The following RREB1 variants were observed in gnomAD, a reference collection of about 807,000 sequenced individuals.
RREB1 encodes the protein ras-responsive element-binding protein 1.
In RREB1, 27 loss-of-function variants were observed where a neutral mutation model predicts 117.8. The ratio of observed to expected loss-of-function variants is 0.23; its 90% CI spans 0.17 to 0.32. RREB1 has a LOEUF of 0.32. Among genes scored for constraint, RREB1 ranks in the 10% least tolerant of loss-of-function variants. The probability of loss-of-function intolerance (pLI) is 1.00; values close to 1 mark genes in which losing one functional copy is unlikely to be tolerated. For synonymous variants in RREB1, 1,298 were observed against 1,026.7 expected (o/e 1.26, Z -5.05); for missense variants, 2,577 against 2,378.2 (o/e 1.08, Z -1.74).
intron 1 of RREB1, among the ~76,000 whole-genome samples, chr6:7,176,014 C>T (rs1764481568): frequency 6.6e-6 from 1 of 152,160 alleles, no homozygotes; most frequent in Non-Finnish European, 1.5e-5. Context: ...GCCTCCTGGG[C>T]TTAAGCCATC....
chr6:7,117,701 G>A (rs1409230130), intron 1 of RREB1, among the ~76,000 whole-genome samples: 9 of 151,730 alleles, frequency 5.9e-5, no homozygotes, highest in South Asian at 2.1e-4. Flanking sequence ...GAGCCACCGC[G>A]CCCCACCAGA....
intron 1 of RREB1, among the ~76,000 whole-genome samples, chr6:7,168,383 T>C (rs1167131663): frequency 9.9e-5 from 15 of 152,136 alleles, no homozygotes; most frequent in Admixed American, 9.2e-4. Context: ...TTATGCAAGA[T>C]AGATTGTCCC....
intron 6 of RREB1, among the ~76,000 whole-genome samples, chr6:7,198,056 A>G (rs183727447): frequency 1.3e-5 from 2 of 152,308 alleles, no homozygotes; most frequent in South Asian, 2.1e-4. Context: ...AGCAGGGGAC[A>G]GTCACTTCTT....
chr6:7,134,571 G>T (rs1762275711), intron 1 of RREB1, among the ~76,000 whole-genome samples: 1 of 152,078 alleles, frequency 6.6e-6, no homozygotes, highest in Non-Finnish European at 1.5e-5. Context: ...TTTAGATTCT[G>T]TTGAGAAGCT....
intron 6 of RREB1, among the ~76,000 whole-genome samples, chr6:7,199,495 C>G (rs1765829211): frequency 2.6e-5 from 4 of 152,138 alleles, no homozygotes; most frequent in Admixed American, 1.3e-4. Flanking sequence ...AACCCAAGAA[C>G]CTGGTAACAG....
chr6:7,246,552 C>G lies in RREB1; in HGVS notation c.4102C>G (p.Gln1368Glu), dbSNP rs1370658997. The change falls in exon 12 of 13, where the codon CAG (glutamine) becomes GAG (glutamate). Residue 1368 changes from glutamine (Q) to glutamate (E), a missense_variant. Coordinates refer to ENST00000379938, the MANE Select transcript of RREB1 (RefSeq NM_001003699.4). ...GGTCGCAGGGGATGCGCCTGTGGAG[C>G]AGGCCACGGCGGAAACGGCCTCGCC... Reference protein sequence around the residue: ...RQVAGDAPVEQATAETASPVH... With the variant: ...RQVAGDAPVEEATAETASPVH... The G allele has an allele frequency of 6.5e-7, 1 of 1,548,268 alleles. No homozygotes were observed. The highest frequency in any genetic ancestry group is 8.7e-7 in the Non-Finnish European group (1 of 1,146,642).
intron 8 of RREB1, chr6:7,213,276 T>A (rs1581546519): frequency 6.6e-6 from 1 of 152,378 alleles, no homozygotes; most frequent in East Asian, 1.9e-4. Context: ...GTGATTCTCC[T>A]GCCTCAGCCT....
At chr6:7,150,005 T>TA (rs1763044532) in intron 1 of RREB1, among the ~76,000 whole-genome samples, 1 of 151,700 alleles carries the variant, frequency 6.6e-6, no homozygotes, top group African/African-American at 2.4e-5. Flanking sequence ...GTTTTTTTTT[T>TA]TTTTTATTCT....
intron 1 of RREB1, among the ~76,000 whole-genome samples, chr6:7,143,690 C>A (rs1463622266): frequency 1.3e-5 from 2 of 152,120 alleles, no homozygotes; most frequent in Non-Finnish European, 2.9e-5. Flanking sequence ...AAGTCGGCTG[C>A]TCATCATTCG....
intron 1 of RREB1, among the ~76,000 whole-genome samples, chr6:7,129,635 C>T (rs940207097): frequency 7.2e-5 from 11 of 152,238 alleles, no homozygotes; most frequent in African/African-American, 2.2e-4. Flanking sequence ...TATTTCTTTA[C>T]AGCCATAGAC....
chr6:7,181,842 G>C (rs945228600), intron 3 of RREB1, 28 bp from the exon 4 acceptor site: 3 of 1,528,016 alleles, frequency 2.0e-6, no homozygotes, highest in Non-Finnish European at 2.7e-6. Context: ...ACTTCCCCAT[G>C]ATCACATCAG....
At chr6:7,184,085 A>G (rs914539875) in intron 4 of RREB1, 1 of 152,056 alleles carries the variant, frequency 6.6e-6, no homozygotes, top group Non-Finnish European at 1.5e-5. Flanking sequence ...GCGTGGTGGC[A>G]TGTCTCTAAT....
rs1230075545 is a variant in RREB1 at position 7,245,050 on chromosome 6, CAAT to C, written c.3974-1373_3974-1371del. Among the ~76,000 whole-genome samples, 7 of 152,214 alleles carry C rather than the reference CAAT, an allele frequency of 4.6e-5. No individual in the cohort carries two copies. In the South Asian group the frequency reaches 6.2e-4, roughly 14 times the overall value. The stretch of plus-strand genomic sequence containing the variant: ...GGCATCTCGTACTTGTGCCATAAAA[CAAT>C]GACTTTCATCCACCCAATTATCAGA... On this transcript the variant is annotated intron_variant, in intron 11 of 12. Transcript: ENST00000379938.
Position 7,229,785 on chromosome 6 carries a change from G to A in RREB1, c.1686G>A (p.Leu562=). 1 of 1,608,120 alleles carries A rather than the reference G, an allele frequency of 6.2e-7. No individual in the cohort carries two copies. Among genetic ancestry groups the A allele is most frequent in the Non-Finnish European group, 8.5e-7 (1 of 1,176,520 alleles). Residue 562 remains leucine, a synonymous_variant, in exon 10 of 13, where the codon CTG becomes CTA. Transcript: ENST00000379938. This position sits in a 1 kb window ranked among gnomAD's most constrained non-coding sequence, Gnocchi z 4.5. ...GSVEAASNAH[L]LQSKSGTQPH... is the part of the protein sequence containing the mutation. ...TGGAGGCGGCCTCCAACGCCCACCTGCTGCAGTCCAAGTCCGGGACCCAGC... is the reference window on the plus strand; with the variant it reads ...TGGAGGCGGCCTCCAACGCCCACCTACTGCAGTCCAAGTCCGGGACCCAGC...
upstream of RREB1, chr6:7,107,923 G>C (rs1760907238): frequency 6.5e-6 from 1 of 152,684 alleles, no homozygotes; most frequent in African/African-American, 2.4e-5. Flanking sequence ...AGTGACTGCG[G>C]AGTTGATGAA....
chr6:7,250,966 TTTATTATTA>T lies in RREB1; in HGVS notation c.*2014_*2022del, dbSNP rs529940820. On this transcript the variant is annotated 3_prime_UTR_variant, in exon 13 of 13. Transcript: ENST00000379938. ...ACCAGTTCATACATCCCTTAGGGTTTTTATTATTATTATTATTATTATTACAGTTGTTAT... is the reference window on the plus strand; with the variant it reads ...ACCAGTTCATACATCCCTTAGGGTTTTTATTATTATTATTACAGTTGTTAT... The T allele has an allele frequency of 1.3e-5, 2 of 151,428 alleles. No individual in the cohort carries two copies. The highest frequency in any genetic ancestry group is 2.9e-5 in the Non-Finnish European group (2 of 67,864). 9.4% of individuals were successfully genotyped at this position (151,428 alleles called of 1,614,324 possible).
intron 4 of RREB1, 72 bp downstream of exon 4, chr6:7,182,154 T>C: frequency 4.4e-6 from 6 of 1,362,372 alleles, no homozygotes; most frequent in Non-Finnish European, 6.1e-6. Flanking sequence ...GTTTCCGAGT[T>C]TCCTATGATA....
At position 7,135,946 on chromosome 6, in the gene RREB1, G is replaced by C. The variant is rs567580629; in HGVS notation, c.-285+27886G>C. ...AGGGAGAAATTACTGTCCTGTGGTG[G>C]ACCTGGTGAGAGAGGTGGCATATGA... On this transcript the variant is annotated intron_variant, in intron 1 of 12. Coordinates refer to ENST00000379938, the MANE Select transcript of RREB1 (RefSeq NM_001003699.4). Among the ~76,000 whole-genome samples the C allele has an allele frequency of 8.3e-4, 126 of 152,124 alleles. 1 individual carries two copies. The highest frequency in any genetic ancestry group is 9.7e-4 in the Non-Finnish European group (66 of 68,012).
intron 1 of RREB1, among the ~76,000 whole-genome samples, chr6:7,165,688 A>G (rs1039627288): frequency 2.0e-5 from 3 of 152,086 alleles, no homozygotes; most frequent in African/African-American, 4.8e-5. Context: ...CTGCCCTTGG[A>G]CTGGGCAGAT....
Sources: gnomAD v4.1 joint callset for allele counts (sites outside exome capture counted in the v4.1 genomes callset) on GRCh38, gnomAD v4.1.1 for gene constraint, Gnocchi (gnomAD v3.1) non-coding constraint, MANE v1.5 for transcripts, NCBI Gene and HGNC (gene_info 2026-07-23, HGNC 2026-07-21) for gene names.